PICK1: variants seen among roughly 807,000 people sequenced by gnomAD.
The protein encoded by PICK1 is protein interacting with PRKCA 1, also known as PRKCA-binding protein.
In PICK1, 23 loss-of-function variants were observed where a neutral mutation model predicts 48.9. That is an observed-to-expected ratio of 0.47 (90% confidence interval 0.34 to 0.67). The LOEUF (loss-of-function observed/expected upper bound fraction) is 0.67, where lower values mean the gene tolerates loss of function less well. Ranked by LOEUF, PICK1 falls within the 30% of genes least tolerant of loss-of-function variation. The pLI is 0.01. For missense variants in PICK1, 423 were observed against 557.1 expected (o/e 0.76, Z 2.42); for synonymous variants, 217 against 228.2 (o/e 0.95, Z 0.44).
At position 38,057,601 on chromosome 22, in the gene PICK1, A is replaced by ACC. The variant is rs2085301075; in HGVS notation, c.-58+16_-58+17dup. 1 of 610,448 alleles carries ACC rather than the reference A, an allele frequency of 1.6e-6. No homozygotes were observed. The highest frequency in any genetic ancestry group is 1.8e-5 in the African/African-American group (1 of 54,256). 37.8% of individuals were successfully genotyped at this position (610,448 alleles called of 1,614,324 possible). A position where few individuals can be genotyped will look rare whatever the true frequency, so the allele number is the denominator to read the frequency against. Reference sequence around the variant, plus strand: ...CCTTTGTACCTAGTAAGAATCACCTACCCAGCCCCCCACCCGGAGACTGTC... The same window carrying ACC: ...CCTTTGTACCTAGTAAGAATCACCTACCCCCAGCCCCCCACCCGGAGACTGTC... On this transcript the variant is annotated intron_variant, in intron 1 of 12. Transcript: ENST00000356976.
Position 38,073,075 on chromosome 22 carries a change from G to A in PICK1, c.766G>A (p.Val256Met), listed in dbSNP as rs199605777. The A allele has an allele frequency of 4.3e-6, 7 of 1,612,380 alleles. No homozygotes were observed. The highest frequency in any genetic ancestry group is 1.1e-5 in the South Asian group (1 of 91,056). ...CCTCACCATCAAGAAGTACCTGGAC[G>A]TGAAGTTTGAGTACCTGGTGAGTAG... ...TRLTIKKYLD[V>M]KFEYLSYCLK... Residue 256 changes from valine (V) to methionine (M), a missense_variant, in exon 10 of 13, where the codon GTG (valine) becomes ATG (methionine). This residue lies in a region of PICK1 where 279 missense variants were observed against 417.8 expected (regional missense o/e 0.67). Transcript: ENST00000356976. This position sits in a 1 kb window ranked among gnomAD's most constrained non-coding sequence, Gnocchi z 5.7.
chr22:38,064,156 C>G (rs1348212855), intron 3 of PICK1, among the ~76,000 whole-genome samples: 2 of 152,010 alleles, frequency 1.3e-5, no homozygotes, highest in African/African-American at 2.4e-5. Flanking sequence ...TTCCCAGGTT[C>G]AAGCGATTCT....
Position 38,057,789 on chromosome 22 carries a change from C to T in PICK1, c.-21C>T. On this transcript the variant is annotated 5_prime_UTR_variant, in exon 2 of 13. Coordinates refer to ENST00000356976, the MANE Select transcript of PICK1 (RefSeq NM_012407.4). ...CCTACCGAGCTGGGCAGTTAGCCAG[C>T]CCACTCCAACTCTCGGAACCATGTT... 1 of 1,612,280 alleles carries T rather than the reference C, an allele frequency of 6.2e-7. No individual in the cohort carries two copies. Among genetic ancestry groups the T allele is most frequent in the African/African-American group, 1.3e-5 (1 of 75,002 alleles).
chr22:38,073,889 G>C lies in PICK1; in HGVS notation c.834+66G>C. On this transcript the variant is annotated intron_variant, in intron 11 of 12. Coordinates refer to ENST00000356976, the MANE Select transcript of PICK1 (RefSeq NM_012407.4). This position sits in a 1 kb window ranked among gnomAD's most constrained non-coding sequence, Gnocchi z 5.7. The stretch of plus-strand genomic sequence containing the variant: ...CCTGGTCTGCCAGGGATAGCAGGTG[G>C]CTCAGGCCAACCCGGGAGAGACCGG... The C allele has an allele frequency of 6.6e-7, 1 of 1,513,528 alleles. No homozygotes were observed. The highest frequency in any genetic ancestry group is 9.2e-7 in the Non-Finnish European group (1 of 1,089,248). The allele number at this position is 1,513,528 out of a possible 1,614,324, so 93.8% of individuals were successfully genotyped here. A position where few individuals can be genotyped will look rare whatever the true frequency, so the allele number is the denominator to read the frequency against.
At chr22:38,058,716 C>T (rs1219680928) in intron 2 of PICK1, among the ~76,000 whole-genome samples, 1 of 152,124 alleles carries the variant, frequency 6.6e-6, no homozygotes, top group African/African-American at 2.4e-5. Context: ...ACCCAAGTCC[C>T]ATAGCTGGCC....
rs890189038 is a variant in PICK1 at position 38,075,582 on chromosome 22, G to A, written c.*450G>A. 7.0e-5 allele frequency: 12 copies of A among 171,774 alleles called. No homozygotes were observed. The highest frequency in any genetic ancestry group is 1.7e-4 in the African/African-American group (7 of 41,968). 10.6% of individuals were successfully genotyped at this position (171,774 alleles called of 1,614,324 possible). ...CCCTTGCCTCGCCCCAGACCGGCCCGTCCAGTCCCCATCACACCTCGGCGG... is the reference window on the plus strand; with the variant it reads ...CCCTTGCCTCGCCCCAGACCGGCCCATCCAGTCCCCATCACACCTCGGCGG... On this transcript the variant is annotated 3_prime_UTR_variant, in exon 13 of 13. Coordinates refer to ENST00000356976, the MANE Select transcript of PICK1 (RefSeq NM_012407.4).
At position 38,074,121 on chromosome 22, in the gene PICK1, T is replaced by G. The variant is rs1395690129; in HGVS notation, c.835-186T>G. On this transcript the variant is annotated intron_variant, in intron 11 of 12. Transcript: ENST00000356976. The surrounding 1 kb of genome is among the most constrained non-coding windows in gnomAD (Gnocchi z 4.5). ...TCGGGATCCATTTCGTGGCCAGTGTTCATTGAATGTGGCAGAGGTTTGGGT... is the reference window on the plus strand; with the variant it reads ...TCGGGATCCATTTCGTGGCCAGTGTGCATTGAATGTGGCAGAGGTTTGGGT... 1 of 684,750 alleles carries G rather than the reference T, an allele frequency of 1.5e-6. No homozygotes were observed. Among genetic ancestry groups the G allele is most frequent in the Non-Finnish European group, 2.5e-6 (1 of 406,854 alleles). 42.4% of individuals were successfully genotyped at this position (684,750 alleles called of 1,614,324 possible). A position where few individuals can be genotyped will look rare whatever the true frequency, so the allele number is the denominator to read the frequency against.
Position 38,074,862 on chromosome 22 carries a change from A to G in PICK1, c.980-2A>G. On this transcript the variant is annotated splice_acceptor_variant, in intron 12 of 12. Transcript: ENST00000356976. LOFTEE classifies it high-confidence loss of function. The surrounding 1 kb of genome is among the most constrained non-coding windows in gnomAD (Gnocchi z 4.5). ...AGCCTGTCCCCCGACCTCCCACCCC[A>G]GTCCAGGACATCGTGTTCCAGCTGC... 6.2e-7 allele frequency: 1 copy of G among 1,611,434 alleles called. No homozygotes were observed. Among genetic ancestry groups the G allele is most frequent in the Non-Finnish European group, 8.5e-7 (1 of 1,179,942 alleles).
chr22:38,071,694 A>G lies in PICK1; in HGVS notation c.506A>G (p.His169Arg). The change falls in exon 8 of 13, where the codon CAC (histidine) becomes CGC (arginine). Residue 169 changes from histidine (H) to arginine (R), a missense_variant. Around this residue, in one of 2 missense-constraint regions of PICK1, gnomAD observed 279 missense variants for 417.8 expected, o/e 0.67. Coordinates refer to ENST00000356976, the MANE Select transcript of PICK1 (RefSeq NM_012407.4). ...GTCTCTCCCACAGGGATGACGGAAC[A>G]CACCAAGAACCTCCTACGGGCCTTT... ...TAELYKGMTE[H>R]TKNLLRAFYE... The G allele has an allele frequency of 1.9e-6, 3 of 1,613,522 alleles. No homozygotes were observed. Among genetic ancestry groups the G allele is most frequent in the Non-Finnish European group, 2.5e-6 (3 of 1,179,928 alleles).
chr22:38,064,630 G>A (rs1006647093), intron 3 of PICK1, among the ~76,000 whole-genome samples: 4 of 152,096 alleles, frequency 2.6e-5, no homozygotes, highest in African/African-American at 7.2e-5. Flanking sequence ...GCGTGGTAGC[G>A]CATGCCTGTA....
rs773063627 is a variant in PICK1 at position 38,075,029 on chromosome 22, A to G, written c.1145A>G (p.Glu382Gly). 24 of 1,583,742 alleles carry G rather than the reference A, an allele frequency of 1.5e-5. No homozygotes were observed. Among genetic ancestry groups the G allele is most frequent in the African/African-American group, 2.7e-5 (2 of 74,146 alleles). The change falls in exon 13 of 13, where the codon GAG (glutamate) becomes GGG (glycine). Residue 382 changes from glutamate (E) to glycine (G), a missense_variant. Glu to Gly is a moderately conservative substitution (Grantham distance 98, BLOSUM62 -2). Transcript: ENST00000356976. ...AACCAGGAGGAGTTCACAGATGGGG[A>G]GGAGGAGGAGGAGGAGGAAGACACG... ...GLNQEEFTDG[E>G]EEEEEEDTAA...
At chr22:38,067,808 TC>T in intron 5 of PICK1, 38 bp downstream of exon 5, 1 of 1,550,856 alleles carries the variant, frequency 6.4e-7, no homozygotes, top group Non-Finnish European at 8.9e-7. Flanking sequence ...TCCAGCAGCC[TC>T]CCTGGATGGG....
chr22:38,062,251 T>C (rs938065248), intron 3 of PICK1, among the ~76,000 whole-genome samples: 2 of 44 alleles, frequency 0.045, no homozygotes, highest in African/African-American at 0.33. Flanking sequence ...ATTTCCCATC[T>C]TTTTTTTTTT....
In PICK1 at chr22:38,075,085, G is replaced by A. The variant is rs1311527496; in HGVS notation, c.1201G>A (p.Gly401Arg). Residue 401 changes from glycine (G) to arginine (R), a missense_variant, in exon 13 of 13, where the codon GGG (glycine) becomes AGG (arginine). This residue lies in a region of PICK1 where 144 missense variants were observed against 139.3 expected (regional missense o/e 1.03). Coordinates refer to ENST00000356976, the MANE Select transcript of PICK1 (RefSeq NM_012407.4). ...TGGGGAGCCGTCCAGGGATACACGA[G>A]GGGCTGCTGGGCCCTTGGACAAGGG... is the stretch of plus-strand genomic sequence containing the variant. ...AAGEPSRDTRGAAGPLDKGGS... is the reference protein window; with the variant it reads ...AAGEPSRDTRRAAGPLDKGGS... 1.2e-6 allele frequency: 2 copies of A among 1,612,750 alleles called. No homozygotes were observed. The highest frequency in any genetic ancestry group is 1.7e-6 in the Non-Finnish European group (2 of 1,179,962).
At chr22:38,064,189 C>T (rs2085470708) in intron 3 of PICK1, among the ~76,000 whole-genome samples, 1 of 151,974 alleles carries the variant, frequency 6.6e-6, no homozygotes, top group Non-Finnish European at 1.5e-5. Context: ...TTCTGAGTAG[C>T]TGGGACTGCA....
At chr22:38,058,294 C>CAGCACTT (rs2085318060) in intron 2 of PICK1, 2 of 222,020 alleles carry the variant, frequency 9.0e-6, no homozygotes, top group East Asian at 2.1e-4. Context: ...TCTCTATGCT[C>CAGCACTT]AGCACTTAGT....
rs922690504 is a variant in PICK1, at chr22:38,075,066, G to A, written c.1182G>A (p.Glu394=). The A allele has an allele frequency of 2.5e-6, 4 of 1,612,894 alleles. No individual in the cohort carries two copies. The African/African-American group carries it at 5.3e-5, about 22-fold the overall frequency. ...AGGAGGAAGACACGGCAGCTGGGGA[G>A]CCGTCCAGGGATACACGAGGGGCTG... ...EEEEEDTAAG[E]PSRDTRGAAG... The change falls in exon 13 of 13, where the codon GAG becomes GAA. Residue 394 remains glutamate, a synonymous_variant. Coordinates refer to ENST00000356976, the MANE Select transcript of PICK1 (RefSeq NM_012407.4).
Position 38,075,159 on chromosome 22 carries a change from C to G in PICK1, c.*27C>G. 6.3e-7 allele frequency: 1 copy of G among 1,598,366 alleles called. No individual in the cohort carries two copies. The highest frequency in any genetic ancestry group is 8.5e-7 in the Non-Finnish European group (1 of 1,172,044). On this transcript the variant is annotated 3_prime_UTR_variant, in exon 13 of 13. Coordinates refer to ENST00000356976, the MANE Select transcript of PICK1 (RefSeq NM_012407.4). The stretch of plus-strand genomic sequence containing the variant: ...TGCCCCGCGGCTGTGGTGCCGGGGG[C>G]AGGGTGCGTGGGAGGACGGAGCCTG...
At position 38,074,690 on chromosome 22, in the gene PICK1, C is replaced by G. The variant is rs1178611443; in HGVS notation, c.980-174C>G. 6.6e-6 allele frequency among the ~76,000 whole-genome samples: 1 copy of G among 152,076 alleles called. No homozygotes were observed. Among genetic ancestry groups the G allele is most frequent in the Admixed American group, 6.5e-5 (1 of 15,284 alleles). ...TTCCCTGAACTGGGAGCGGGGAGGC[C>G]CCGGGCTGGGCGGCCCCTGCCTCCG... On this transcript the variant is annotated intron_variant, in intron 12 of 12. Transcript: ENST00000356976. The surrounding 1 kb of genome is among the most constrained non-coding windows in gnomAD (Gnocchi z 4.5).
Sources: gnomAD v4.1 joint callset for allele counts (sites outside exome capture counted in the v4.1 genomes callset) on GRCh38, gnomAD v4.1.1 for gene constraint, gnomAD v4.1.1 regional missense constraint, Gnocchi (gnomAD v3.1) non-coding constraint, MANE v1.5 for transcripts, NCBI Gene and HGNC (gene_info 2026-07-23, HGNC 2026-07-21) for gene names.